The following NBPF8 variants were observed in gnomAD, a reference collection of about 807,000 sequenced individuals.
NBPF8 encodes the protein NBPF member 8.
chr1:120,454,440 G>C (rs1661376884), intron 15 of NBPF8, among the ~76,000 whole-genome samples: 1 of 151,862 alleles, frequency 6.6e-6, no homozygotes, highest in Non-Finnish European at 1.5e-5. Flanking sequence ...CCTGAACAAT[G>C]TCCATGGAGT....
upstream of NBPF8, among the ~76,000 whole-genome samples, chr1:120,431,359 AATATATATATATAT>A (rs869036983): frequency 0.04 from 1,667 of 42,036 alleles, 103 homozygotes; most frequent in East Asian, 0.15. Context: ...CCAAATAGGG[AATATATATATATAT>A]ATATATATAT....
At chr1:120,464,809 A>T (rs1283909941) in intron 23 of NBPF8, among the ~76,000 whole-genome samples, 1 of 145,704 alleles carries the variant, frequency 6.9e-6, no homozygotes, top group Non-Finnish European at 1.5e-5. Context: ...ACCTGGGCAG[A>T]TGTGACAAAT....
At chr1:120,464,175 G>GTCTGTCTGTC (rs1553250604) in intron 22 of NBPF8, among the ~76,000 whole-genome samples, 2 of 85,782 alleles carry the variant, frequency 2.3e-5, no homozygotes, top group African/African-American at 1.2e-4. Flanking sequence ...GTGTGTGTGT[G>GTCTGTCTGTC]TGTCTGTCTG....
chr1:120,451,949 A>G (rs1313138309), intron 12 of NBPF8, among the ~76,000 whole-genome samples, 168 bp from the exon 11 acceptor site: 2 of 152,044 alleles, frequency 1.3e-5, no homozygotes, highest in Admixed American at 6.5e-5. Flanking sequence ...GGAAGCCTGT[A>G]AACCATTTTC....
chr1:120,421,156 T>C (rs1570923940), intron 1 of NBPF8, among the ~76,000 whole-genome samples: 1 of 151,934 alleles, frequency 6.6e-6, no homozygotes, highest in East Asian at 1.9e-4. Context: ...AGACTCAGTG[T>C]CTCTGGCAAC....
chr1:120,430,438 C>T (rs9441126), intron 3 of NBPF8, among the ~76,000 whole-genome samples: 94 of 106,782 alleles, frequency 8.8e-4, no homozygotes, highest in African/African-American at 4.3e-3. Context: ...AAAGTAACAT[C>T]TAAATACATG....
chr1:120,434,403 C>A (rs1388930589), upstream of NBPF8, among the ~76,000 whole-genome samples: 1 of 144,948 alleles, frequency 6.9e-6, no homozygotes, highest in Non-Finnish European at 1.5e-5. Flanking sequence ...TATATATACA[C>A]GTGTATATAT....
At chr1:120,463,007 C>CT (rs1375365631) in intron 21 of NBPF8, 41 bp downstream of exon 19, 2 of 591,958 alleles carry the variant, frequency 3.4e-6, no homozygotes, top group Non-Finnish European at 5.9e-6. Context: ...TCCACCTGGT[C>CT]TTCCAGATAG....
At chr1:120,420,431 G>T in intron 1 of NBPF8, among the ~76,000 whole-genome samples, 1 of 134,672 alleles carries the variant, frequency 7.4e-6, no homozygotes, top group African/African-American at 3.0e-5. Context: ...CCCATTCTCT[G>T]CCCCCATTTC....
exon 1 of NBPF8, chr1:120,436,589 A>T (rs1175148059): frequency 7.4e-5 from 119 of 1,604,028 alleles, no homozygotes; most frequent in Non-Finnish European, 9.8e-5. Flanking sequence ...AATCAACGAG[A>T]AATTGCGCCC....
chr1:120,415,193 AG>A (rs1433476380), upstream of NBPF8, among the ~76,000 whole-genome samples: 5 of 152,188 alleles, frequency 3.3e-5, no homozygotes, highest in African/African-American at 1.2e-4. Flanking sequence ...CTGTGGCGCC[AG>A]GAGCGGGCCG....
upstream of NBPF8, among the ~76,000 whole-genome samples, chr1:120,434,531 G>A (rs1553247517): frequency 6.7e-6 from 1 of 149,256 alleles, no homozygotes; most frequent in Non-Finnish European, 1.5e-5. Context: ...GACAGGCCCT[G>A]GTGTGTGATG....
rs1425362010 is a variant in NBPF8 at position 120,466,336 on chromosome 1, G to T, written n.3927G>T. On this transcript the variant is annotated non_coding_transcript_exon_variant, in exon 25 of 25. Coordinates refer to ENST00000583271, the Ensembl canonical transcript of NBPF8. The stretch of plus-strand genomic sequence containing the variant: ...AGCCCAGACATAGGATGGGTCAGTG[G>T]GCATGGCTCTATTCCTATTCTCAGA... The T allele has an allele frequency of 1.8e-4, 257 of 1,436,270 alleles. 1 individual carries two copies. In the Middle Eastern group the frequency reaches 3.2e-3, roughly 18 times the overall value. 89.0% of individuals were successfully genotyped at this position (1,436,270 alleles called of 1,614,324 possible). A position where few individuals can be genotyped will look rare whatever the true frequency, so the allele number is the denominator to read the frequency against.
At chr1:120,434,681 C>T (rs1661024271), upstream of NBPF8, among the ~76,000 whole-genome samples, 2 of 149,860 alleles carry the variant, frequency 1.3e-5, no homozygotes, top group Admixed American at 6.7e-5. Flanking sequence ...TTAAGTAAAA[C>T]GATTTTGAGT....
chr1:120,445,707 A>G, intron 7 of NBPF8: 2 of 196,710 alleles, frequency 1.0e-5, no homozygotes, highest in Non-Finnish European at 9.1e-6. Context: ...TCCTTTCAAC[A>G]TGTGCTGACC....
chr1:120,454,886 TG>T, intron 15 of NBPF8, among the ~76,000 whole-genome samples: 1 of 145,058 alleles, frequency 6.9e-6, no homozygotes, highest in Admixed American at 6.9e-5. Flanking sequence ...GGCTAATTTT[TG>T]TATTTTTAGT....
intron 3 of NBPF8, among the ~76,000 whole-genome samples, chr1:120,428,706 T>C (rs1174513597): frequency 6.6e-6 from 1 of 151,460 alleles, no homozygotes; most frequent in Non-Finnish European, 1.5e-5. Context: ...TGTGAGCATC[T>C]CTTCTATTCT....
chr1:120,456,831 G>A (rs1333339935), intron 16 of NBPF8, among the ~76,000 whole-genome samples: 12 of 151,804 alleles, frequency 7.9e-5, no homozygotes, highest in South Asian at 4.2e-4. Context: ...TATTTCGCCC[G>A]TTAGTTGATG....
chr1:120,424,772 TC>T (rs1660667008), intron 1 of NBPF8, among the ~76,000 whole-genome samples: 1 of 139,360 alleles, frequency 7.2e-6, no homozygotes, highest in Non-Finnish European at 1.5e-5. Flanking sequence ...GAAAGAGAGA[TC>T]AGATTGTTAC....
Sources: allele counts gnomAD v4.1 joint callset (sites outside exome capture counted in the v4.1 genomes callset), GRCh38; gene constraint gnomAD v4.1.1; transcripts MANE v1.5; gene names NCBI Gene and HGNC (gene_info 2026-07-23, HGNC 2026-07-21).